CYRIA: variants seen among roughly 807,000 people sequenced by gnomAD.
The protein encoded by CYRIA is CYFIP related Rac1 interactor A.
CYRIA carries 15 observed loss-of-function variants against 43.9 expected under a neutral mutation model. The observed-to-expected ratio is 0.34, with a 90% CI of 0.23 to 0.53. The LOEUF is 0.53. CYRIA is among the 20% of genes least tolerant of loss of function. The probability of loss-of-function intolerance (pLI) is 0.94; values close to 1 mark genes in which losing one functional copy is unlikely to be tolerated. For missense variants in CYRIA, 236 were observed against 394.2 expected (o/e 0.60, Z 3.40); for synonymous variants, 117 against 136.0 (o/e 0.86, Z 0.97).
At chr2:16,630,418 C>T (rs1669292837) in intron 1 of CYRIA, among the ~76,000 whole-genome samples, 1 of 152,052 alleles carries the variant, frequency 6.6e-6, no homozygotes, top group South Asian at 2.1e-4. Context: ...AGAACCAGAA[C>T]AAGAGCCCAG....
At chr2:16,554,058 TC>T (rs1284340628) in intron 11 of CYRIA, among the ~76,000 whole-genome samples, 1 of 152,152 alleles carries the variant, frequency 6.6e-6, no homozygotes, top group Admixed American at 6.5e-5. Flanking sequence ...TTTGTGTGTG[TC>T]TCAGTTTCTT....
intron 1 of CYRIA, among the ~76,000 whole-genome samples, chr2:16,654,077 G>A (rs1053477086): frequency 4.6e-5 from 7 of 152,172 alleles, no homozygotes; most frequent in Admixed American, 3.9e-4. Flanking sequence ...GCCCTGTGAG[G>A]TGGGAGCTGG....
At chr2:16,607,161 T>A (rs1668433524) in intron 2 of CYRIA, among the ~76,000 whole-genome samples, 1 of 152,152 alleles carries the variant, frequency 6.6e-6, no homozygotes, top group Non-Finnish European at 1.5e-5. Flanking sequence ...TTCAACGTAC[T>A]CATCATTGCA....
intron 2 of CYRIA, among the ~76,000 whole-genome samples, chr2:16,607,550 C>G (rs1668450642): frequency 6.6e-6 from 1 of 152,190 alleles, no homozygotes; most frequent in Admixed American, 6.5e-5. Context: ...ATAAGCCACA[C>G]CAGAATATGA....
At chr2:16,602,315 A>G (rs1263227314) in intron 2 of CYRIA, among the ~76,000 whole-genome samples, 3 of 152,224 alleles carry the variant, frequency 2.0e-5, no homozygotes, top group Admixed American at 6.5e-5. Flanking sequence ...TCGAAGACTC[A>G]GATTGCCTAT....
intron 1 of CYRIA, among the ~76,000 whole-genome samples, chr2:16,662,837 G>T (rs79976934): frequency 0.061 from 9,312 of 152,212 alleles, 460 homozygotes; most frequent in African/African-American, 0.13. Context: ...CCCTACATCA[G>T]CCTGCCCTTC....
rs1241997587 is a variant in CYRIA at position 16,552,588 on chromosome 2, A to G, written c.*348T>C. ...AATATTTTGTGTTTCTATAAACTAT[A>G]CTTCCCAGAGAGATAACACATCTAG... is the stretch of plus-strand genomic sequence containing the variant. On this transcript the variant is annotated 3_prime_UTR_variant, in exon 12 of 12. Transcript: ENST00000381323. The G allele has an allele frequency of 5.5e-6, 1 of 182,326 alleles. No homozygotes were observed. Among genetic ancestry groups the G allele is most frequent in the African/African-American group, 2.3e-5 (1 of 42,638 alleles). The allele number at this position is 182,326 out of a possible 1,614,324, so 11.3% of individuals were successfully genotyped here.
At chr2:16,587,935 C>T in intron 3 of CYRIA, 115 bp downstream of exon 3, 3 of 664,062 alleles carry the variant, frequency 4.5e-6, no homozygotes, top group East Asian at 5.6e-5. Flanking sequence ...CAGACTAATA[C>T]AGTGACCTTT....
chr2:16,553,885 G>A (rs1195033853), intron 11 of CYRIA, among the ~76,000 whole-genome samples: 1 of 152,048 alleles, frequency 6.6e-6, no homozygotes, highest in African/African-American at 2.4e-5. Flanking sequence ...CCTTATTCAT[G>A]TGTATAGAAA....
chr2:16,592,783 T>A (rs1667973171), intron 2 of CYRIA, among the ~76,000 whole-genome samples: 1 of 152,118 alleles, frequency 6.6e-6, no homozygotes, highest in African/African-American at 2.4e-5. Context: ...TATGACTTTT[T>A]CCTTGTTTTT....
chr2:16,617,912 T>C (rs1008370132), intron 2 of CYRIA, among the ~76,000 whole-genome samples: 2 of 152,200 alleles, frequency 1.3e-5, no homozygotes, highest in Non-Finnish European at 2.9e-5. Flanking sequence ...CAAGGTTAAC[T>C]GGTGACTCAG....
chr2:16,646,566 C>T (rs953418182), intron 1 of CYRIA, among the ~76,000 whole-genome samples: 1 of 152,064 alleles, frequency 6.6e-6, no homozygotes, highest in East Asian at 1.9e-4. Flanking sequence ...CTCCTTGTTG[C>T]GACTTGACAT....
rs1344671043 is a variant in CYRIA at position 16,552,322 on chromosome 2, G to A, written c.*614C>T. On this transcript the variant is annotated 3_prime_UTR_variant, in exon 12 of 12. Transcript: ENST00000381323. ...AAAATACAGGAGATTTTTTTTTCAT[G>A]TGAAATTAAAGGAGAACATTAGAGG... 1 of 151,834 alleles carries A rather than the reference G, an allele frequency of 6.6e-6. No individual in the cohort carries two copies. The highest frequency in any genetic ancestry group is 2.4e-5 in the African/African-American group (1 of 41,348). The allele number at this position is 151,834 out of a possible 1,614,324, so 9.4% of individuals were successfully genotyped here.
intron 2 of CYRIA, among the ~76,000 whole-genome samples, chr2:16,605,230 C>T (rs1668357301): frequency 6.6e-6 from 1 of 152,166 alleles, no homozygotes; most frequent in Non-Finnish European, 1.5e-5. Flanking sequence ...AGACTATTAC[C>T]TCATCATAGC....
intron 1 of CYRIA, among the ~76,000 whole-genome samples, chr2:16,662,170 G>T (rs1670274756): frequency 6.6e-6 from 1 of 152,166 alleles, no homozygotes; most frequent in Admixed American, 6.5e-5. Flanking sequence ...GCAGTGCTAG[G>T]AGCCTGAGCA....
Position 16,552,766 on chromosome 2 carries a change from T to C in CYRIA, c.*170A>G, listed in dbSNP as rs1666359631. ...AAGGTAAGGCTCTCAAGTCAATTTA[T>C]GCTCTGCTGGGTTGAGTCAGTCAGG... On this transcript the variant is annotated 3_prime_UTR_variant, in exon 12 of 12. Transcript: ENST00000381323. 1 of 528,650 alleles carries C rather than the reference T, an allele frequency of 1.9e-6. No individual in the cohort carries two copies. The highest frequency in any genetic ancestry group is 3.4e-6 in the Non-Finnish European group (1 of 297,718). 32.7% of individuals were successfully genotyped at this position (528,650 alleles called of 1,614,324 possible).
rs539595715 is a variant in CYRIA at position 16,627,200 on chromosome 2, A to T, written c.-166-3181T>A. On this transcript the variant is annotated intron_variant, in intron 1 of 11. Coordinates refer to ENST00000381323, the MANE Select transcript of CYRIA (RefSeq NM_030797.4). ...TGGAAATAGAAAAGCAAGGCACAAC[A>T]ACTGAAGGGAAGGCAATATCCACTA... is the stretch of plus-strand genomic sequence containing the variant. Among the ~76,000 whole-genome samples, 3 of 152,296 alleles carry T rather than the reference A, an allele frequency of 2.0e-5. No homozygotes were observed. In the South Asian group the frequency reaches 6.2e-4, roughly 32 times the overall value.
intron 3 of CYRIA, among the ~76,000 whole-genome samples, chr2:16,574,650 A>G (rs940526900): frequency 2.6e-5 from 4 of 152,230 alleles, no homozygotes; most frequent in Admixed American, 2.0e-4. Context: ...GGTACAGTTC[A>G]GGCTGTGGCT....
rs777206043 is a variant in CYRIA, at chr2:16,660,109, AACTAAAAC to A, written c.-167+5663_-167+5670del. Among the ~76,000 whole-genome samples the A allele has an allele frequency of 2.2e-4, 33 of 152,290 alleles. No homozygotes were observed. The East Asian group carries it at 2.5e-3, about 12-fold the overall frequency. Reference sequence around the variant, plus strand: ...CCAGCTCTCTCTTGGCAACCCTGCTAACTAAAACGGCTAGGTTTTGCCTCTTCACCTGT... The same window carrying A: ...CCAGCTCTCTCTTGGCAACCCTGCTAGGCTAGGTTTTGCCTCTTCACCTGT... On this transcript the variant is annotated intron_variant, in intron 1 of 11. Coordinates refer to ENST00000381323, the MANE Select transcript of CYRIA (RefSeq NM_030797.4).
Sources: allele counts gnomAD v4.1 joint callset (sites outside exome capture counted in the v4.1 genomes callset), GRCh38; gene constraint gnomAD v4.1.1; transcripts MANE v1.5; gene names NCBI Gene and HGNC (gene_info 2026-07-23, HGNC 2026-07-21).